The following HDAC8 variants were observed in gnomAD, a reference collection of about 807,000 sequenced individuals.
HDAC8 encodes histone deacetylase-like 1.
HDAC8 carries 1 observed loss-of-function variant against 32.2 expected under a neutral mutation model. The ratio of observed to expected loss-of-function variants is 0.03; its 90% CI spans 0.01 to 0.15. The LOEUF is 0.15. Among genes scored for constraint, HDAC8 ranks in the 10% least tolerant of loss-of-function variants. The probability of loss-of-function intolerance (pLI) is 1.00; values close to 1 mark genes in which losing one functional copy is unlikely to be tolerated. For synonymous variants in HDAC8, 108 were observed against 113.9 expected (o/e 0.95, Z 0.33); for missense variants, 117 against 300.0 (o/e 0.39, Z 4.51).
chrX:72,494,053 C>T (rs1448555780), intron 5 of HDAC8, among the ~76,000 whole-genome samples: 1 of 111,931 alleles, frequency 8.9e-6, no homozygotes, highest in Non-Finnish European at 1.9e-5. Flanking sequence ...AGGTCAAATG[C>T]TACCCCTTGT....
intron 9 of HDAC8, among the ~76,000 whole-genome samples, chrX:72,363,685 C>T (rs1421313478): frequency 9.0e-6 from 1 of 111,224 alleles, no homozygotes; most frequent in Non-Finnish European, 1.9e-5. Context: ...GATTCTCCTG[C>T]CTCAGCCTCC....
chrX:72,485,893 G>C (rs1245713954), intron 7 of HDAC8, among the ~76,000 whole-genome samples: 1 of 110,765 alleles, frequency 9.0e-6, no homozygotes, highest in Non-Finnish European at 1.9e-5. Flanking sequence ...AGGCCGAGGT[G>C]GGTGGATCAC....
chrX:72,450,620 T>TA (rs1226092260), intron 9 of HDAC8, among the ~76,000 whole-genome samples: 1 of 110,224 alleles, frequency 9.1e-6, no homozygotes, highest in Admixed American at 9.7e-5. Context: ...TGAGATGAAA[T>TA]AAAAAAAATT....
chrX:72,353,661 T>C (rs1454212437), intron 9 of HDAC8, among the ~76,000 whole-genome samples: 1 of 111,705 alleles, frequency 9.0e-6, no homozygotes, highest in Non-Finnish European at 1.9e-5. Flanking sequence ...AGAGAAGGTT[T>C]TAAACAGGTG....
chrX:72,352,541 G>A (rs2044214084), intron 9 of HDAC8, among the ~76,000 whole-genome samples: 1 of 111,382 alleles, frequency 9.0e-6, no homozygotes, highest in Admixed American at 9.5e-5. Flanking sequence ...TCAGCTCCCC[G>A]AAGGCAGGCA....
intron 9 of HDAC8, among the ~76,000 whole-genome samples, chrX:72,394,682 GCT>G (rs2045712509): frequency 8.9e-6 from 1 of 111,889 alleles, no homozygotes; most frequent in South Asian, 3.8e-4. Flanking sequence ...GAATAGTACT[GCT>G]CTGAGACGCC....
chrX:72,518,740 C>T (rs2049887242), intron 4 of HDAC8, among the ~76,000 whole-genome samples: 1 of 111,740 alleles, frequency 8.9e-6, no homozygotes, highest in Non-Finnish European at 1.9e-5. Flanking sequence ...CATCCCTCCT[C>T]TCTTCCCTTC....
At chrX:72,522,109 A>G (rs1231850377) in intron 4 of HDAC8, among the ~76,000 whole-genome samples, 1 of 112,118 alleles carries the variant, frequency 8.9e-6, no homozygotes, top group African/African-American at 3.2e-5. Flanking sequence ...ACAGGCACAC[A>G]CAAATGTGGC....
intron 4 of HDAC8, chrX:72,567,457 C>T (rs2051839834): frequency 6.8e-6 from 2 of 293,440 alleles, no homozygotes; most frequent in South Asian, 8.3e-5. Context: ...TCAGCTCATA[C>T]ATATATTCCA....
intron 9 of HDAC8, among the ~76,000 whole-genome samples, chrX:72,437,900 C>T (rs965001375): frequency 2.9e-4 from 33 of 112,194 alleles, no homozygotes; most frequent in Non-Finnish European, 2.1e-4. Flanking sequence ...GGTGAAGGGG[C>T]GGCTGTGGGT....
intron 4 of HDAC8, among the ~76,000 whole-genome samples, chrX:72,496,381 G>C (rs1192950572): frequency 9.1e-6 from 1 of 110,481 alleles, no homozygotes; most frequent in South Asian, 3.8e-4. Context: ...TTTAGACACT[G>C]ACTTTGCTTC....
chrX:72,494,933 G>A (rs1210214591), intron 5 of HDAC8, among the ~76,000 whole-genome samples: 1 of 111,392 alleles, frequency 9.0e-6, no homozygotes, highest in East Asian at 2.8e-4. Flanking sequence ...TAGTTCTAGA[G>A]GCTTGCTACA....
chrX:72,432,286 A>T (rs1270835318), intron 9 of HDAC8, among the ~76,000 whole-genome samples: 1 of 110,992 alleles, frequency 9.0e-6, no homozygotes, highest in Non-Finnish European at 1.9e-5. Flanking sequence ...GAGTAGTTTT[A>T]AAACACACAT....
intron 9 of HDAC8, among the ~76,000 whole-genome samples, chrX:72,432,684 C>T (rs2046851670): frequency 9.0e-6 from 1 of 111,070 alleles, no homozygotes; most frequent in South Asian, 3.9e-4. Context: ...CTCCACTCCC[C>T]ATATGCTTCC....
chrX:72,472,729 A>G lies in HDAC8; in HGVS notation c.738-7998T>C, dbSNP rs193218322. On this transcript the variant is annotated intron_variant, in intron 7 of 10. Coordinates refer to ENST00000373573, the MANE Select transcript of HDAC8 (RefSeq NM_018486.3). ...GAAGTCAGCTGTGATTTACAGCTCCATTTTGACTATGCTAAACCTGTCATC... is the reference window on the plus strand; with the variant it reads ...GAAGTCAGCTGTGATTTACAGCTCCGTTTTGACTATGCTAAACCTGTCATC... Among the ~76,000 whole-genome samples the G allele has an allele frequency of 8.9e-5, 10 of 111,964 alleles. No individual in the cohort carries two copies. The East Asian group carries it at 2.8e-3, about 32-fold the overall frequency.
chrX:72,383,793 C>T (rs1273438180), intron 9 of HDAC8, among the ~76,000 whole-genome samples: 1 of 105,309 alleles, frequency 9.5e-6, no homozygotes, highest in Non-Finnish European at 1.9e-5. Flanking sequence ...TGGTGTGAAC[C>T]CGGGAGGCGG....
At chrX:72,517,936 T>G (rs943097913) in intron 4 of HDAC8, among the ~76,000 whole-genome samples, 2 of 111,812 alleles carry the variant, frequency 1.8e-5, no homozygotes, top group Non-Finnish European at 3.8e-5. Flanking sequence ...AGCTGGAATT[T>G]TGATAGAGAT....
At chrX:72,334,530 C>T (rs2043624440) in intron 10 of HDAC8, among the ~76,000 whole-genome samples, 1 of 111,620 alleles carries the variant, frequency 9.0e-6, no homozygotes, top group African/African-American at 3.3e-5. Context: ...GCTCCAGCCA[C>T]TCACCACTGT....
chrX:72,547,593 T>C (rs2050903088), intron 4 of HDAC8, among the ~76,000 whole-genome samples: 1 of 110,222 alleles, frequency 9.1e-6, no homozygotes, highest in African/African-American at 3.3e-5. Flanking sequence ...CACCACCTAT[T>C]CCTATTTATT....
Sources: allele counts gnomAD v4.1 joint callset (sites outside exome capture counted in the v4.1 genomes callset), GRCh38; gene constraint gnomAD v4.1.1; transcripts MANE v1.5; gene names NCBI Gene and HGNC (gene_info 2026-07-23, HGNC 2026-07-21).